RYR3: variants seen among roughly 807,000 people sequenced by gnomAD.
The protein encoded by RYR3 is ryanodine receptor 3, also known as brain ryanodine receptor-calcium release channel.
A neutral mutation model predicts 584.3 loss-of-function variants in RYR3; 207 were observed. The ratio of observed to expected loss-of-function variants is 0.35; its 90% CI spans 0.32 to 0.40. RYR3 has a LOEUF of 0.40. Ranked by LOEUF, RYR3 falls within the 10% of genes least tolerant of loss-of-function variation. The probability of loss-of-function intolerance (pLI) is 1.00; values close to 1 mark genes in which losing one functional copy is unlikely to be tolerated. For synonymous variants in RYR3, 2,416 were observed against 2,248.5 expected (o/e 1.07, Z -2.11); for missense variants, 5,616 against 6,089.2 (o/e 0.92, Z 2.59).
chr15:33,706,931 T>C lies in RYR3; in HGVS notation c.6496T>C (p.Leu2166=), dbSNP rs759764583. 3 of 1,607,508 alleles carry C rather than the reference T, an allele frequency of 1.9e-6. No homozygotes were observed. In the South Asian group the frequency reaches 3.3e-5, roughly 18 times the overall value. Residue 2166 remains leucine, a synonymous_variant, in exon 43 of 104, where the codon TTG becomes CTG. Coordinates refer to ENST00000634891, the MANE Select transcript of RYR3 (RefSeq NM_001036.6). Reference sequence around the variant, plus strand: ...CTGTTTCTGGCAGGTGGTGACCTACTTGGCAGGCTGTGGCCTACAGAGCTG... The same window carrying C: ...CTGTTTCTGGCAGGTGGTGACCTACCTGGCAGGCTGTGGCCTACAGAGCTG... ...EPDLEKVVTY[L]AGCGLQSCPM...
At chr15:33,857,715 C>G in intron 98 of RYR3, 65 bp from the exon 99 acceptor site, 1 of 1,598,070 alleles carries the variant, frequency 6.3e-7, no homozygotes, top group South Asian at 1.1e-5. Flanking sequence ...CTTAGAGTCT[C>G]CTGTGAACCT....
At chr15:33,349,535 G>A (rs1018967033) in intron 1 of RYR3, among the ~76,000 whole-genome samples, 8 of 151,352 alleles carry the variant, frequency 5.3e-5, no homozygotes, top group African/African-American at 1.9e-4. Flanking sequence ...ATGACGCCAA[G>A]CATCTTTTCA....
At chr15:33,848,726 C>A (rs915250685) in intron 94 of RYR3, among the ~76,000 whole-genome samples, 1 of 151,326 alleles carries the variant, frequency 6.6e-6, no homozygotes, top group African/African-American at 2.4e-5. Flanking sequence ...GTTTCCAGGG[C>A]TTAAGTGGCC....
At chr15:33,376,213 A>G (rs76160920) in intron 1 of RYR3, among the ~76,000 whole-genome samples, 2,068 of 152,336 alleles carry the variant, frequency 0.014, 30 homozygotes, top group Non-Finnish European at 0.02. Context: ...TAGATGGATT[A>G]GTACCATATA....
chr15:33,348,283 C>T (rs950121515), intron 1 of RYR3, among the ~76,000 whole-genome samples: 4 of 152,182 alleles, frequency 2.6e-5, no homozygotes, highest in African/African-American at 4.8e-5. Flanking sequence ...AACTTCACTG[C>T]AGTACAGTGT....
chr15:33,498,609 G>A (rs762318335), intron 2 of RYR3, among the ~76,000 whole-genome samples: 1 of 152,034 alleles, frequency 6.6e-6, no homozygotes. Context: ...TGAATAGTTT[G>A]CAAATATTTT....
At chr15:33,754,481 T>C (rs1263859392) in intron 57 of RYR3, among the ~76,000 whole-genome samples, 1 of 152,154 alleles carries the variant, frequency 6.6e-6, no homozygotes, top group Non-Finnish European at 1.5e-5. Flanking sequence ...CGCCCCACCT[T>C]AAGAACTATT....
intron 1 of RYR3, among the ~76,000 whole-genome samples, chr15:33,354,713 T>C (rs1329177836): frequency 6.6e-6 from 1 of 152,194 alleles, no homozygotes; most frequent in Admixed American, 6.5e-5. Flanking sequence ...TACATCTTTC[T>C]TTCAGGAGGT....
chr15:33,311,600 G>C lies in RYR3; in HGVS notation c.51+504G>C, dbSNP rs1967301994. Among the ~76,000 whole-genome samples, 2 of 152,188 alleles carry C rather than the reference G, an allele frequency of 1.3e-5. No individual in the cohort carries two copies. The highest frequency in any genetic ancestry group is 4.8e-5 in the African/African-American group (2 of 41,456). On this transcript the variant is annotated intron_variant, in intron 1 of 103. Transcript: ENST00000634891. The surrounding 1 kb of genome is among the most constrained non-coding windows in gnomAD (Gnocchi z 4.4). ...TGTGGGGAGCCGGGTCGGAGAAGCG[G>C]GCGCAGGCGCTTGGTCCTAGCCCTG... is the stretch of plus-strand genomic sequence containing the variant.
chr15:33,809,224 A>G (rs1031637459), intron 70 of RYR3, among the ~76,000 whole-genome samples: 1 of 152,204 alleles, frequency 6.6e-6, no homozygotes, highest in East Asian at 1.9e-4. Context: ...CAGGGGAGGC[A>G]TCTGGCGTGC....
chr15:33,444,519 C>T (rs919592008), intron 1 of RYR3, among the ~76,000 whole-genome samples: 9 of 152,098 alleles, frequency 5.9e-5, no homozygotes, highest in African/African-American at 2.2e-4. Context: ...GGAGATGGAG[C>T]CTCCCTGCCC....
intron 16 of RYR3, among the ~76,000 whole-genome samples, chr15:33,592,667 A>G (rs1325312138): frequency 1.3e-5 from 2 of 152,186 alleles, no homozygotes; most frequent in African/African-American, 2.4e-5. Context: ...CTCTCCAGCC[A>G]GGTATTCCAG....
chr15:33,482,226 G>GT (rs1005359523), intron 2 of RYR3, among the ~76,000 whole-genome samples: 10 of 151,758 alleles, frequency 6.6e-5, no homozygotes, highest in African/African-American at 2.2e-4. Flanking sequence ...TCATTATTTA[G>GT]TTTTTTTTCT....
intron 17 of RYR3, 151 bp from the exon 18 acceptor site, chr15:33,602,972 A>C: frequency 6.3e-6 from 5 of 799,058 alleles, no homozygotes; most frequent in East Asian, 2.6e-5. Context: ...CCTGGCTTTT[A>C]GAGATCCCTC....
intron 11 of RYR3, among the ~76,000 whole-genome samples, chr15:33,564,166 A>G (rs1490659888): frequency 1.3e-5 from 2 of 152,212 alleles, no homozygotes; most frequent in Non-Finnish European, 1.5e-5. Context: ...CAGATTGGAC[A>G]TAGGTTCAGC....
intron 2 of RYR3, among the ~76,000 whole-genome samples, chr15:33,489,149 C>T (rs2050750452): frequency 6.6e-6 from 1 of 152,126 alleles, no homozygotes; most frequent in African/African-American, 2.4e-5. Flanking sequence ...AAGGAAATGC[C>T]TACAATTTTT....
intron 41 of RYR3, 122 bp downstream of exon 41, chr15:33,699,955 A>T: frequency 1.1e-6 from 1 of 950,152 alleles, no homozygotes; most frequent in Non-Finnish European, 1.5e-6. Context: ...AAATACTAGA[A>T]GAGACTCTGC....
chr15:33,769,224 C>T, intron 62 of RYR3, 52 bp downstream of exon 62: 1 of 1,270,656 alleles, frequency 7.9e-7, no homozygotes, highest in Non-Finnish European at 1.2e-6. Context: ...CTCTCTGACC[C>T]TCTCATCTCA....
At chr15:33,852,514 G>T (rs1416487961) in intron 94 of RYR3, 1 of 155,748 alleles carries the variant, frequency 6.4e-6, no homozygotes. Flanking sequence ...AAATAGAGTG[G>T]AAAAACACTC....
Sources: allele counts gnomAD v4.1 joint callset (sites outside exome capture counted in the v4.1 genomes callset), GRCh38; gene constraint gnomAD v4.1.1; non-coding constraint Gnocchi (gnomAD v3.1); transcripts MANE v1.5; gene names NCBI Gene and HGNC (gene_info 2026-07-23, HGNC 2026-07-21).